The following JAZF1 variants were observed in gnomAD, a reference collection of about 807,000 sequenced individuals.
JAZF1 encodes the protein JAZF zinc finger 1, also known as juxtaposed with another zinc finger protein 1.
A neutral mutation model predicts 26.4 loss-of-function variants in JAZF1; 8 were observed. The observed-to-expected ratio is 0.30, with a 90% CI of 0.18 to 0.55. The LOEUF is 0.55. JAZF1 is among the 20% of genes least tolerant of loss of function. JAZF1 has a pLI of 0.94. For missense variants in JAZF1, 199 were observed against 322.0 expected (o/e 0.62, Z 2.92); for synonymous variants, 126 against 122.3 (o/e 1.03, Z -0.20).
At chr7:27,913,779 T>C (rs1365090601) in intron 2 of JAZF1, among the ~76,000 whole-genome samples, 1 of 152,196 alleles carries the variant, frequency 6.6e-6, no homozygotes, top group African/African-American at 2.4e-5. Context: ...CTAATTTCTC[T>C]CTTTCACTCT....
intron 3 of JAZF1, among the ~76,000 whole-genome samples, chr7:27,854,638 G>C (rs903559074): frequency 1.3e-5 from 2 of 152,144 alleles, no homozygotes; most frequent in Non-Finnish European, 2.9e-5. Flanking sequence ...AGCTTAGTTT[G>C]GCTGGATATG....
chr7:27,970,420 T>G (rs532036923), intron 2 of JAZF1, among the ~76,000 whole-genome samples: 1 of 152,216 alleles, frequency 6.6e-6, no homozygotes, highest in East Asian at 1.9e-4. Context: ...ATTTAAGAGA[T>G]CTGTGAACCT....
At chr7:28,091,370 G>T (rs893689430) in intron 1 of JAZF1, among the ~76,000 whole-genome samples, 3 of 151,576 alleles carry the variant, frequency 2.0e-5, no homozygotes, top group African/African-American at 7.3e-5. Flanking sequence ...TGTTAAACTA[G>T]GTATTTATGA....
chr7:27,900,131 C>A (rs764557491), intron 2 of JAZF1, among the ~76,000 whole-genome samples: 1 of 152,180 alleles, frequency 6.6e-6, no homozygotes, highest in African/African-American at 2.4e-5. Context: ...GCTGTGCCCA[C>A]CTCCCAGAAT....
rs553363668 is a variant in JAZF1 at position 27,842,297 on chromosome 7, C to T, written c.386-1430G>A. On this transcript the variant is annotated intron_variant, in intron 3 of 4. Coordinates refer to ENST00000283928, the MANE Select transcript of JAZF1 (RefSeq NM_175061.4). The stretch of plus-strand genomic sequence containing the variant: ...TTATACACACGAGCAACTGAGCCCT[C>T]GTGAGGTTAAAACGCGCATGTGTTC... 5 of 152,298 alleles carry T rather than the reference C, an allele frequency of 3.3e-5. No individual in the cohort carries two copies. In the South Asian group the frequency reaches 6.2e-4, roughly 19 times the overall value. The allele number at this position is 152,298 out of a possible 1,614,324, so 9.4% of individuals were successfully genotyped here.
At chr7:27,916,911 A>G (rs2128346915) in intron 2 of JAZF1, among the ~76,000 whole-genome samples, 1 of 152,342 alleles carries the variant, frequency 6.6e-6, no homozygotes, top group South Asian at 2.1e-4. Context: ...TTTAGTGAGA[A>G]GGCAAATTTA....
intron 3 of JAZF1, among the ~76,000 whole-genome samples, chr7:27,883,640 TTC>T (rs974208555): frequency 2.0e-5 from 3 of 152,224 alleles, no homozygotes; most frequent in African/African-American, 7.2e-5. Flanking sequence ...GGCTTTAATT[TTC>T]TTTCTGGTAA....
At chr7:28,130,062 C>T (rs1782765546) in intron 1 of JAZF1, among the ~76,000 whole-genome samples, 1 of 152,044 alleles carries the variant, frequency 6.6e-6, no homozygotes, top group South Asian at 2.1e-4. Context: ...ATTTATGTCA[C>T]TTGTACAAGT....
At chr7:27,972,450 G>T (rs572144947) in intron 2 of JAZF1, among the ~76,000 whole-genome samples, 2 of 152,312 alleles carry the variant, frequency 1.3e-5, no homozygotes, top group South Asian at 2.1e-4. Flanking sequence ...AAGAGGTGAG[G>T]CTGGAGAAGT....
intron 1 of JAZF1, among the ~76,000 whole-genome samples, chr7:28,147,759 G>T (rs2127947354): frequency 6.6e-6 from 1 of 151,612 alleles, no homozygotes; most frequent in East Asian, 1.9e-4. Flanking sequence ...ACACATACCT[G>T]TAGTGTCAGC....
At chr7:28,177,340 A>G (rs1276146928) in intron 1 of JAZF1, among the ~76,000 whole-genome samples, 1 of 152,202 alleles carries the variant, frequency 6.6e-6, no homozygotes, top group Non-Finnish European at 1.5e-5. Flanking sequence ...GGGGAGAGGA[A>G]AACAGTTAAA....
chr7:28,050,028 T>C (rs968101879), intron 1 of JAZF1, among the ~76,000 whole-genome samples: 6 of 152,158 alleles, frequency 3.9e-5, no homozygotes, highest in Non-Finnish European at 8.8e-5. Context: ...TAACCATGGC[T>C]TGGTCTTTCT....
At chr7:27,897,436 A>G (rs778584343) in intron 2 of JAZF1, among the ~76,000 whole-genome samples, 5 of 152,206 alleles carry the variant, frequency 3.3e-5, no homozygotes, top group Non-Finnish European at 4.4e-5. Flanking sequence ...TGGGAATGAG[A>G]GTAGGTAAGG....
At chr7:28,036,938 C>G (rs1402289709) in intron 1 of JAZF1, among the ~76,000 whole-genome samples, 1 of 152,186 alleles carries the variant, frequency 6.6e-6, no homozygotes, top group East Asian at 1.9e-4. Context: ...CCTCTAGGTA[C>G]AGCAGATGCC....
intron 1 of JAZF1, among the ~76,000 whole-genome samples, chr7:28,082,986 CACT>C (rs2127917160): frequency 6.6e-6 from 1 of 152,342 alleles, no homozygotes; most frequent in Non-Finnish European, 1.5e-5. Flanking sequence ...AGCTGACCAC[CACT>C]GAGTGCTCTG....
rs1442969702 is a variant in JAZF1 at position 27,913,864 on chromosome 7, C to T, written c.189-18448G>A. 3.4e-4 allele frequency among the ~76,000 whole-genome samples: 51 copies of T among 152,212 alleles called. 1 individual carries two copies. The highest frequency in any genetic ancestry group is 3.3e-3 in the Admixed American group (51 of 15,284). ...ACCTGCAGGCAAGCCCTGTATCCAG[C>T]TTTACCACGTGCTAGTTATATGCCT... On this transcript the variant is annotated intron_variant, in intron 2 of 4. Transcript: ENST00000283928.
intron 3 of JAZF1, among the ~76,000 whole-genome samples, chr7:27,850,394 C>T (rs1783122433): frequency 6.6e-6 from 1 of 152,218 alleles, no homozygotes; most frequent in South Asian, 2.1e-4. Flanking sequence ...CCTGTCTCCT[C>T]CTTAACTATG....
At chr7:27,864,811 G>A (rs915217345) in intron 3 of JAZF1, among the ~76,000 whole-genome samples, 5 of 152,210 alleles carry the variant, frequency 3.3e-5, no homozygotes, top group African/African-American at 1.2e-4. Flanking sequence ...CAAGTCAGAA[G>A]TCCCACTACT....
intron 3 of JAZF1, among the ~76,000 whole-genome samples, chr7:27,847,488 C>T (rs1046452108): frequency 2.0e-5 from 3 of 152,066 alleles, no homozygotes; most frequent in African/African-American, 4.8e-5. Context: ...CAATTTCATT[C>T]GAGTCTATGT....
Sources: allele counts gnomAD v4.1 joint callset (sites outside exome capture counted in the v4.1 genomes callset), GRCh38; gene constraint gnomAD v4.1.1; transcripts MANE v1.5; gene names NCBI Gene and HGNC (gene_info 2026-07-23, HGNC 2026-07-21).